The following LPIN2 variants were observed in gnomAD, a reference collection of about 807,000 sequenced individuals.
The protein encoded by LPIN2 is lipin 2.
Under a neutral mutation model 111.4 loss-of-function variants are expected in LPIN2, and 55 were observed. The ratio of observed to expected loss-of-function variants is 0.49; its 90% CI spans 0.40 to 0.62. The LOEUF (loss-of-function observed/expected upper bound fraction) is 0.62. LPIN2 is among the 20% of genes least tolerant of loss of function. The pLI is 0.00. For missense variants in LPIN2, 992 were observed against 1,112.1 expected (o/e 0.89, Z 1.54); for synonymous variants, 425 against 414.0 (o/e 1.03, Z -0.32).
intron 1 of LPIN2, among the ~76,000 whole-genome samples, chr18:2,998,758 G>C (rs1351213205): frequency 1.3e-5 from 2 of 152,268 alleles, no homozygotes; most frequent in East Asian, 1.9e-4. Context: ...TGGAGGGACA[G>C]AGCATGATGA....
chr18:2,935,677 T>C (rs2077275935), intron 7 of LPIN2, among the ~76,000 whole-genome samples: 1 of 152,216 alleles, frequency 6.6e-6, no homozygotes, highest in African/African-American at 2.4e-5. Context: ...ACTGGGGCTA[T>C]GCAGAGAATG....
At chr18:2,969,827 T>C (rs2077875272) in intron 1 of LPIN2, among the ~76,000 whole-genome samples, 1 of 152,216 alleles carries the variant, frequency 6.6e-6, no homozygotes, top group Non-Finnish European at 1.5e-5. Context: ...CTCTAGGCTC[T>C]GTTGCAAGAA....
intron 1 of LPIN2, among the ~76,000 whole-genome samples, chr18:2,996,792 CTATT>C (rs1371024780): frequency 6.6e-6 from 1 of 151,966 alleles, no homozygotes; most frequent in Non-Finnish European, 1.5e-5. Context: ...CTTTATCTAT[CTATT>C]GAGTATCATA....
At chr18:2,972,256 C>T (rs903582176) in intron 1 of LPIN2, 1 of 152,010 alleles carries the variant, frequency 6.6e-6, no homozygotes, top group Non-Finnish European at 1.5e-5. Context: ...TAAAAATATC[C>T]CCGTGAGAAC....
At chr18:2,986,917 A>AC (rs1400022483) in intron 1 of LPIN2, among the ~76,000 whole-genome samples, 126 of 149,136 alleles carry the variant, frequency 8.4e-4, no homozygotes, top group African/African-American at 2.9e-3. Context: ...GAAATGGAAA[A>AC]CCCTCTGTTC....
chr18:3,005,985 A>T (rs1252191531), intron 1 of LPIN2, among the ~76,000 whole-genome samples: 2 of 152,210 alleles, frequency 1.3e-5, no homozygotes, highest in East Asian at 3.9e-4. Flanking sequence ...GCATAGGAAC[A>T]AGGCAATGTG....
chr18:2,979,351 T>C (rs966761292), intron 1 of LPIN2, among the ~76,000 whole-genome samples: 7 of 152,294 alleles, frequency 4.6e-5, no homozygotes, highest in Admixed American at 1.3e-4. Flanking sequence ...CAGGACCAAG[T>C]ATCCAGGCAA....
chr18:2,939,743 AATT>A, intron 5 of LPIN2, 140 bp from the exon 6 acceptor site: 1 of 847,172 alleles, frequency 1.2e-6, no homozygotes, highest in Non-Finnish European at 1.8e-6. Flanking sequence ...AGGGAGCATC[AATT>A]ATTTCTTCCA....
intron 4 of LPIN2, among the ~76,000 whole-genome samples, chr18:2,947,907 T>G (rs2077479187): frequency 6.6e-6 from 1 of 152,166 alleles, no homozygotes; most frequent in Non-Finnish European, 1.5e-5. Context: ...AGAGTCTAGG[T>G]GCTGAGCTGA....
chr18:2,956,349 C>CGTGTGTGTGTGT (rs2077617397), intron 2 of LPIN2, among the ~76,000 whole-genome samples: 1 of 85,810 alleles, frequency 1.2e-5, no homozygotes, highest in African/African-American at 5.0e-5. Context: ...TGTGTGTACA[C>CGTGTGTGTGTGT]GTGCACACAT....
Position 2,990,755 on chromosome 18 carries a change from G to A in LPIN2, c.-10+22332C>T. 4 of 349,048 alleles carry A rather than the reference G, an allele frequency of 1.1e-5. No homozygotes were observed. In the East Asian group the frequency reaches 2.7e-4, roughly 23 times the overall value. 21.6% of individuals were successfully genotyped at this position (349,048 alleles called of 1,614,324 possible). On this transcript the variant is annotated intron_variant, in intron 1 of 19. Coordinates refer to ENST00000677752, the MANE Select transcript of LPIN2 (RefSeq NM_001375808.2). ...AATGTCAAAGATTACTATTAGAAAT[G>A]GATGGAAGAACAGGCTCAGAGCCTG...
intron 15 of LPIN2, among the ~76,000 whole-genome samples, chr18:2,924,097 CCA>C (rs1479368555): frequency 6.6e-6 from 1 of 152,174 alleles, no homozygotes; most frequent in African/African-American, 2.4e-5. Context: ...TAACTGACTG[CCA>C]CACTTTCTCT....
Position 2,917,461 on chromosome 18 carries a change from T to C in LPIN2, c.*2832A>G, listed in dbSNP as rs1262157421. 1 of 152,256 alleles carries C rather than the reference T, an allele frequency of 6.6e-6. No individual in the cohort carries two copies. Among genetic ancestry groups the C allele is most frequent in the Non-Finnish European group, 1.5e-5 (1 of 68,044 alleles). 9.4% of individuals were successfully genotyped at this position (152,256 alleles called of 1,614,324 possible). Reference sequence around the variant, plus strand: ...TGGCCTGCACCTGCAGTGCCAACTGTGGAAGGGCTGTGTGCAGGCCCCACA... The same window carrying C: ...TGGCCTGCACCTGCAGTGCCAACTGCGGAAGGGCTGTGTGCAGGCCCCACA... On this transcript the variant is annotated 3_prime_UTR_variant, in exon 20 of 20. Transcript: ENST00000677752.
chr18:3,012,719 A>AGG (rs1238243825), intron 1 of LPIN2, among the ~76,000 whole-genome samples: 1 of 152,040 alleles, frequency 6.6e-6, no homozygotes, highest in South Asian at 2.1e-4. Flanking sequence ...ACCCAGGGGT[A>AGG]GGGGTGGTCT....
intron 1 of LPIN2, among the ~76,000 whole-genome samples, chr18:3,001,222 T>C (rs1388354315): frequency 1.3e-5 from 2 of 152,256 alleles, no homozygotes; most frequent in East Asian, 3.9e-4. Context: ...TGAGGAGGCA[T>C]GCCAAGAGAG....
intron 1 of LPIN2, among the ~76,000 whole-genome samples, chr18:2,986,305 T>C (rs1283023159): frequency 6.6e-6 from 1 of 152,204 alleles, no homozygotes; most frequent in Non-Finnish European, 1.5e-5. Context: ...AATATCCTCA[T>C]ATAATCTCAA....
intron 1 of LPIN2, among the ~76,000 whole-genome samples, chr18:3,007,903 C>T (rs143125725): frequency 5.2e-4 from 79 of 152,206 alleles, no homozygotes; most frequent in Admixed American, 9.8e-4. Flanking sequence ...CCTCCCTTTC[C>T]GAATAAGTTT....
At chr18:2,928,709 A>C (rs775569640) in intron 10 of LPIN2, 49 bp from the exon 11 acceptor site, 2 of 1,396,576 alleles carry the variant, frequency 1.4e-6, no homozygotes. Context: ...GAAAGTGAGC[A>C]AGAGAGAGGG....
At chr18:2,980,039 G>A (rs746449489) in intron 1 of LPIN2, among the ~76,000 whole-genome samples, 26 of 152,304 alleles carry the variant, frequency 1.7e-4, no homozygotes, top group Non-Finnish European at 3.7e-4. Context: ...CTAAAACTTA[G>A]GGGAGTTAGG....
Sources: allele counts gnomAD v4.1 joint callset (sites outside exome capture counted in the v4.1 genomes callset), GRCh38; gene constraint gnomAD v4.1.1; transcripts MANE v1.5; gene names NCBI Gene and HGNC (gene_info 2026-07-23, HGNC 2026-07-21).